IPO7: variants seen among roughly 807,000 people sequenced by gnomAD.
The protein encoded by IPO7 is importin 7.
A neutral mutation model predicts 136.4 loss-of-function variants in IPO7; 13 were observed. The observed-to-expected ratio is 0.10, with a 90% CI of 0.06 to 0.15. IPO7 has a LOEUF of 0.15. Ranked by LOEUF, IPO7 falls within the 10% of genes least tolerant of loss-of-function variation. The pLI is 1.00. For missense variants in IPO7, 857 were observed against 1,240.6 expected, an observed-to-expected ratio of 0.69 and a Z score of 4.65; for synonymous variants, 403 against 404.4, an observed-to-expected ratio of 1.00 and a Z score of 0.04.
chr11:9,393,626 A>G (rs1052185075), intron 1 of IPO7, among the ~76,000 whole-genome samples: 2 of 151,872 alleles, frequency 1.3e-5, no homozygotes, highest in African/African-American at 4.8e-5. Flanking sequence ...CAGGTGATCC[A>G]CCCTCCTCGG....
intron 12 of IPO7, 126 bp from the exon 13 acceptor site, chr11:9,428,412 TGG>T: frequency 2.1e-6 from 1 of 471,600 alleles, no homozygotes. Flanking sequence ...TTGTGGATTC[TGG>T]GGTTCAAAGA....
chr11:9,444,901 A>G (rs1855507825), intron 24 of IPO7, among the ~76,000 whole-genome samples, 196 bp from the exon 25 acceptor site: 1 of 151,836 alleles, frequency 6.6e-6, no homozygotes, highest in Non-Finnish European at 1.5e-5. Flanking sequence ...TAAGAAGTCT[A>G]CAGCATACAG....
At chr11:9,404,726 C>T (rs1303974657) in intron 2 of IPO7, among the ~76,000 whole-genome samples, 29 of 151,788 alleles carry the variant, frequency 1.9e-4, no homozygotes, top group African/African-American at 6.7e-4. Flanking sequence ...CCACCACACC[C>T]GGCTAATTTT....
intron 5 of IPO7, among the ~76,000 whole-genome samples, chr11:9,415,707 G>A (rs1410552212): frequency 1.3e-5 from 2 of 151,802 alleles, no homozygotes; most frequent in South Asian, 2.1e-4. Context: ...GCGTGGTGGC[G>A]GGCACCTGTA....
rs756729254 is a variant in IPO7, at chr11:9,414,325, C to T, written c.550C>T (p.Arg184Cys). 1.1e-5 allele frequency: 17 copies of T among 1,612,904 alleles called. No individual in the cohort carries two copies. The highest frequency in any genetic ancestry group is 1.7e-4 in the Middle Eastern group (1 of 6,060). ...GCATTTTCTGCCAGTTCTAAAGGAT[C>T]GTTTTATCCAGCTTCTTTCTGACCA... ...MQHFLPVLKD[R>C]FIQLLSDQSD... The change falls in exon 5 of 25, where the codon CGT (arginine) becomes TGT (cysteine). Residue 184 changes from arginine (R) to cysteine (C), a missense_variant. Around this residue, in one of 11 missense-constraint regions of IPO7, gnomAD observed 287 missense variants for 307.5 expected, o/e 0.93. Transcript: ENST00000379719.
intron 13 of IPO7, 51 bp downstream of exon 13, chr11:9,428,680 C>T (rs943493496): frequency 1.0e-6 from 1 of 961,578 alleles, no homozygotes; most frequent in Non-Finnish European, 1.7e-6. Flanking sequence ...TAATGAATGA[C>T]TCTGTGGACT....
In IPO7 at chr11:9,425,211, A is replaced by G. The variant is rs1855186616; in HGVS notation, c.1284A>G (p.Lys428=). Residue 428 remains lysine, a synonymous_variant, in exon 12 of 25, where the codon AAA becomes AAG. Coordinates refer to ENST00000379719, the MANE Select transcript of IPO7 (RefSeq NM_006391.3). ...ILTEPNADPR[K]KDGALHMIGS... is the part of the protein sequence containing the mutation. ...CAGAACCAAATGCTGACCCTCGAAA[A>G]AAAGATGGAGCCCTGCATATGATTG... is the stretch of plus-strand genomic sequence containing the variant. The G allele has an allele frequency of 6.2e-7, 1 of 1,612,484 alleles. No homozygotes were observed. The highest frequency in any genetic ancestry group is 8.5e-7 in the Non-Finnish European group (1 of 1,179,320).
intron 2 of IPO7, among the ~76,000 whole-genome samples, chr11:9,404,106 T>A (rs1334458564): frequency 6.6e-6 from 1 of 152,260 alleles, no homozygotes; most frequent in Non-Finnish European, 1.5e-5. Flanking sequence ...TTCATCATTC[T>A]AGAAAAACAG....
Position 9,440,572 on chromosome 11 carries a change from A to C in IPO7, c.2813A>C (p.Glu938Ala). The C allele has an allele frequency of 6.2e-7, 1 of 1,614,014 alleles. No homozygotes were observed. Among genetic ancestry groups the C allele is most frequent in the Non-Finnish European group, 8.5e-7 (1 of 1,179,882 alleles). The change falls in exon 23 of 25, where the codon GAA (glutamate) becomes GCA (alanine). Residue 938 changes from glutamate (E) to alanine (A), a missense_variant. Around this residue, in one of 11 missense-constraint regions of IPO7, gnomAD observed 119 missense variants for 155.5 expected, o/e 0.77. Transcript: ENST00000379719. ...GAAGATTGGGAAGAAGATGATGCTG[A>C]AGAGACTGCTCTGGAAGGCTATTCC... ...DDEDWEEDDA[E>A]ETALEGYSTI...
At chr11:9,391,628 T>C (rs890459220) in intron 1 of IPO7, among the ~76,000 whole-genome samples, 22 of 152,130 alleles carry the variant, frequency 1.4e-4, no homozygotes, top group African/African-American at 4.3e-4. Flanking sequence ...GGCATGAACC[T>C]GGGAGGCAGA....
chr11:9,386,712 G>C (rs1854556254), intron 1 of IPO7, among the ~76,000 whole-genome samples: 1 of 152,038 alleles, frequency 6.6e-6, no homozygotes, highest in Admixed American at 6.6e-5. Context: ...TAGAAACCTG[G>C]GGTATTTCAC....
At chr11:9,442,816 A>T (rs1167004270) in intron 24 of IPO7, among the ~76,000 whole-genome samples, 2 of 151,858 alleles carry the variant, frequency 1.3e-5, no homozygotes, top group African/African-American at 4.8e-5. Flanking sequence ...TGAGCTCGGG[A>T]GTTTGAGACC....
intron 5 of IPO7, among the ~76,000 whole-genome samples, chr11:9,415,178 C>A (rs1564997269): frequency 6.6e-6 from 1 of 151,728 alleles, no homozygotes; most frequent in Non-Finnish European, 1.5e-5. Context: ...AAAAATTAGT[C>A]AGGCTTGGTG....
At chr11:9,403,942 A>C (rs1293909298) in intron 2 of IPO7, among the ~76,000 whole-genome samples, 1 of 151,974 alleles carries the variant, frequency 6.6e-6, no homozygotes, top group Non-Finnish European at 1.5e-5. Context: ...GCTCTCTGCA[A>C]CCTCTGCCTC....
chr11:9,440,315 T>C, intron 22 of IPO7, 140 bp from the exon 23 acceptor site: 1 of 677,836 alleles, frequency 1.5e-6, no homozygotes, highest in Admixed American at 2.7e-5. Flanking sequence ...TTATTGAACA[T>C]GTATTTAAAC....
chr11:9,411,844 T>C (rs968755408), intron 4 of IPO7, among the ~76,000 whole-genome samples: 3 of 152,184 alleles, frequency 2.0e-5, no homozygotes, highest in African/African-American at 7.2e-5. Context: ...GATTAACAAC[T>C]AGTACCACTC....
chr11:9,422,211 G>A (rs1006274509), intron 8 of IPO7, among the ~76,000 whole-genome samples: 6 of 151,864 alleles, frequency 4.0e-5, no homozygotes, highest in African/African-American at 1.5e-4. Context: ...CCCAGGAGGC[G>A]GAGTTTGCGG....
At position 9,437,708 on chromosome 11, in the gene IPO7, TG is replaced by T. The variant is rs761278709; in HGVS notation, c.2269-45del. Reference sequence around the variant, plus strand: ...AGTTAATATTTTTAGAATGTTTGCATGCTATTAATTATAGTCTTAGAATATC... The same window carrying T: ...AGTTAATATTTTTAGAATGTTTGCATCTATTAATTATAGTCTTAGAATATC... On this transcript the variant is annotated intron_variant, in intron 20 of 24. Transcript: ENST00000379719. 2.2e-6 allele frequency: 3 copies of T among 1,334,198 alleles called. No individual in the cohort carries two copies. The East Asian group carries it at 7.1e-5, about 31-fold the overall frequency. The allele number at this position is 1,334,198 out of a possible 1,614,324, so 82.6% of individuals were successfully genotyped here. A position where few individuals can be genotyped will look rare whatever the true frequency, so the allele number is the denominator to read the frequency against.
chr11:9,399,189 G>GT (rs1302705149), intron 1 of IPO7, among the ~76,000 whole-genome samples: 5 of 148,910 alleles, frequency 3.4e-5, no homozygotes, highest in Non-Finnish European at 7.4e-5. Context: ...TTTTGACAGA[G>GT]TTTCACTCTT....
Sources: allele counts gnomAD v4.1 joint callset (sites outside exome capture counted in the v4.1 genomes callset), GRCh38; gene constraint gnomAD v4.1.1; regional missense constraint gnomAD v4.1.1; transcripts MANE v1.5; gene names NCBI Gene and HGNC (gene_info 2026-07-23, HGNC 2026-07-21).